Variants in SUCO observed in about 807,000 individuals in gnomAD.
SUCO encodes SUN domain containing ossification factor.
SUCO carries 57 observed loss-of-function variants against 148.1 expected under a neutral mutation model. That is an observed-to-expected ratio of 0.38 (90% CI 0.31 to 0.48). The LOEUF (loss-of-function observed/expected upper bound fraction) is 0.48. Among genes scored for constraint, SUCO ranks in the 20% least tolerant of loss-of-function variants. The pLI, the probability that SUCO is intolerant of heterozygous loss-of-function variation, is 0.96. For missense variants in SUCO, 1,331 were observed against 1,468.2 expected (o/e 0.91, Z 1.53); for synonymous variants, 470 against 502.7 (o/e 0.93, Z 0.87).
chr1:172,589,061 A>G lies in SUCO; in HGVS notation c.1960A>G (p.Lys654Glu), dbSNP rs1357377871. 4 of 1,613,736 alleles carry G rather than the reference A, an allele frequency of 2.5e-6. No individual in the cohort carries two copies. The highest frequency in any genetic ancestry group is 2.5e-6 in the Non-Finnish European group (3 of 1,179,830). Residue 654 changes from lysine to glutamate, a missense_variant, in exon 18 of 24, where the codon AAA becomes GAA. Physicochemically the swap from Lys to Glu is moderately conservative, Grantham distance 56. Coordinates refer to ENST00000263688, the MANE Select transcript of SUCO (RefSeq NM_014283.5). Reference sequence around the variant, plus strand: ...GCAGCGCAGCCGAACTGCTTTGAGTAAAGGAAAAGATTATCTTGTGTTAGC... The same window carrying G: ...GCAGCGCAGCCGAACTGCTTTGAGTGAAGGAAAAGATTATCTTGTGTTAGC... ...YRQRSRTALS[K>E]GKDYLVLAQP...
In SUCO at chr1:172,533,479, T is replaced by A; in HGVS notation, c.44T>A (p.Phe15Tyr). 1 of 1,564,764 alleles carries A rather than the reference T, an allele frequency of 6.4e-7. No homozygotes were observed. The highest frequency in any genetic ancestry group is 1.2e-5 in the South Asian group (1 of 84,912). ...RRALALVSCLFLCSLVWLPSW... is the reference protein window; with the variant it reads ...RRALALVSCLYLCSLVWLPSW... ...GCCTTGGCCCTGGTCTCCTGCCTCT[T>A]TCTGTGCTCTCTGGTCTGGTGAGTA... Residue 15 changes from phenylalanine (F) to tyrosine (Y), a missense_variant, in exon 1 of 24, where the codon TTT (phenylalanine) becomes TAT (tyrosine). Transcript: ENST00000263688.
intron 9 of SUCO, 33 bp downstream of exon 9, chr1:172,570,763 T>A (rs371841126): frequency 1.5e-5 from 19 of 1,237,960 alleles, no homozygotes; most frequent in Non-Finnish European, 2.2e-5. Flanking sequence ...AAGTACATTC[T>A]ACATATATAT....
intron 19 of SUCO, among the ~76,000 whole-genome samples, chr1:172,593,479 C>G (rs1396194396): frequency 6.6e-6 from 1 of 152,136 alleles, no homozygotes; most frequent in Non-Finnish European, 1.5e-5. Flanking sequence ...GAGTTTTTAG[C>G]ATGAAGGGTT....
At chr1:172,590,735 A>G (rs1656592744) in intron 18 of SUCO, among the ~76,000 whole-genome samples, 1 of 152,132 alleles carries the variant, frequency 6.6e-6, no homozygotes, top group Non-Finnish European at 1.5e-5. Flanking sequence ...TTCATGTGTA[A>G]CATGCCCACT....
At chr1:172,557,554 C>T (rs1335032326) in intron 5 of SUCO, 90 bp from the exon 6 acceptor site, 2 of 1,475,264 alleles carry the variant, frequency 1.4e-6, no homozygotes, top group Non-Finnish European at 1.8e-6. Context: ...CCTTGGTTTA[C>T]TTTGTGCATG....
chr1:172,538,740 C>T (rs1037750544), intron 1 of SUCO, among the ~76,000 whole-genome samples: 2 of 151,794 alleles, frequency 1.3e-5, no homozygotes, highest in African/African-American at 4.8e-5. Flanking sequence ...ATGTGAAAGA[C>T]TGAGGAAAAA....
intron 11 of SUCO, 58 bp downstream of exon 11, chr1:172,575,681 C>A: frequency 2.7e-6 from 3 of 1,098,734 alleles, no homozygotes; most frequent in Non-Finnish European, 4.1e-6. Flanking sequence ...GTTATTCACA[C>A]TTTATACACC....
chr1:172,561,279 G>A (rs1654131582), intron 6 of SUCO, among the ~76,000 whole-genome samples: 1 of 152,162 alleles, frequency 6.6e-6, no homozygotes, highest in Admixed American at 6.5e-5. Flanking sequence ...AGGTTCAGGT[G>A]GATTTCATTC....
intron 11 of SUCO, among the ~76,000 whole-genome samples, 155 bp from the exon 12 acceptor site, chr1:172,577,384 T>C (rs1348265740): frequency 6.6e-6 from 1 of 151,734 alleles, no homozygotes; most frequent in Non-Finnish European, 1.5e-5. Context: ...TGCTTTTATT[T>C]CTGCAAGGAA....
intron 18 of SUCO, 103 bp downstream of exon 18, chr1:172,590,029 T>C (rs1305088309): frequency 7.1e-6 from 7 of 979,748 alleles, no homozygotes; most frequent in Admixed American, 6.1e-5. Flanking sequence ...TCTCATGATA[T>C]AATAGAGGTA....
At chr1:172,547,450 G>A (rs553501734) in intron 1 of SUCO, among the ~76,000 whole-genome samples, 3 of 152,154 alleles carry the variant, frequency 2.0e-5, no homozygotes, top group African/African-American at 7.2e-5. Context: ...TATGCTTTTC[G>A]ATACAATATC....
chr1:172,579,905 G>A (rs1450709605), intron 15 of SUCO, among the ~76,000 whole-genome samples: 1 of 152,056 alleles, frequency 6.6e-6, no homozygotes, highest in Non-Finnish European at 1.5e-5. Context: ...TTAACTACAA[G>A]TAGTTTTCTT....
intron 6 of SUCO, among the ~76,000 whole-genome samples, 181 bp from the exon 7 acceptor site, chr1:172,568,838 A>G (rs1654743184): frequency 6.6e-6 from 1 of 152,160 alleles, no homozygotes; most frequent in Non-Finnish European, 1.5e-5. Flanking sequence ...AAATTATCTC[A>G]AGAGAAATTC....
rs371070725 is a variant in SUCO at position 172,589,421 on chromosome 1, G to C, written c.2320G>C (p.Asp774His). The C allele has an allele frequency of 1.6e-4, 260 of 1,613,288 alleles. 1 individual carries two copies. The highest frequency in any genetic ancestry group is 2.1e-4 in the Non-Finnish European group (247 of 1,179,772). ...VIPQESSVEI[D>H]NETEQKSESF... The stretch of plus-strand genomic sequence containing the variant: ...TCCCCAAGAGAGTTCTGTTGAGATC[G>C]ATAATGAAACAGAACAAAAGTCTGA... Residue 774 changes from aspartate to histidine, a missense_variant, in exon 18 of 24, where the codon GAT becomes CAT. By Grantham distance (81) the Asp-to-His change is moderately conservative. Coordinates refer to ENST00000263688, the MANE Select transcript of SUCO (RefSeq NM_014283.5).
At chr1:172,570,019 A>T in intron 7 of SUCO, 28 bp from the exon 8 acceptor site, 1 of 1,358,380 alleles carries the variant, frequency 7.4e-7, no homozygotes, top group Non-Finnish European at 9.5e-7. Context: ...TATATATATA[A>T]ATATTTATAA....
intron 19 of SUCO, among the ~76,000 whole-genome samples, chr1:172,599,641 C>T (rs1238294290): frequency 4.6e-5 from 7 of 152,134 alleles, no homozygotes; most frequent in African/African-American, 1.7e-4. Context: ...GGTTTTGGGC[C>T]TACTTTATAA....
intron 4 of SUCO, among the ~76,000 whole-genome samples, chr1:172,556,265 T>C (rs1372210447): frequency 6.6e-6 from 1 of 152,202 alleles, no homozygotes; most frequent in African/African-American, 2.4e-5. Context: ...ATCCCAGATA[T>C]GAAATCTCTA....
At chr1:172,573,702 C>T (rs368345478) in intron 9 of SUCO, among the ~76,000 whole-genome samples, 189 bp from the exon 10 acceptor site, 2 of 152,020 alleles carry the variant, frequency 1.3e-5, no homozygotes, top group South Asian at 2.1e-4. Context: ...CTTTTCCCCC[C>T]ACTAATGGTA....
intron 9 of SUCO, among the ~76,000 whole-genome samples, chr1:172,572,696 T>TTAAA (rs766025462): frequency 6.0e-5 from 3 of 49,606 alleles, no homozygotes; most frequent in South Asian, 1.2e-3. Context: ...GAATGATCAA[T>TTAAA]AAAAAAAAAA....
Sources: gnomAD v4.1 joint callset for allele counts (sites outside exome capture counted in the v4.1 genomes callset) on GRCh38, gnomAD v4.1.1 for gene constraint, MANE v1.5 for transcripts, NCBI Gene and HGNC (gene_info 2026-07-23, HGNC 2026-07-21) for gene names.